RELN: variants seen among roughly 807,000 people sequenced by gnomAD.
RELN encodes the protein reelin.
RELN carries 108 observed loss-of-function variants against 427.6 expected under a neutral mutation model. The ratio of observed to expected loss-of-function variants is 0.25; its 90% CI spans 0.22 to 0.30. The LOEUF is 0.30. RELN is among the 10% of genes least tolerant of loss of function. The probability of loss-of-function intolerance (pLI) is 1.00; values close to 1 mark genes in which losing one functional copy is unlikely to be tolerated. For missense variants in RELN, 3,715 were observed against 4,302.8 expected, an observed-to-expected ratio of 0.86 and a Z score of 3.82; for synonymous variants, 1,524 against 1,513.4, an observed-to-expected ratio of 1.01 and a Z score of -0.16.
intron 27 of RELN, among the ~76,000 whole-genome samples, chr7:103,593,375 C>T (rs1831464473): frequency 6.6e-6 from 1 of 152,152 alleles, no homozygotes; most frequent in Admixed American, 6.6e-5. Flanking sequence ...CGTTTAGAAG[C>T]TTGAGATTCA....
At chr7:103,751,485 C>T (rs533976521) in intron 5 of RELN, among the ~76,000 whole-genome samples, 8 of 152,296 alleles carry the variant, frequency 5.3e-5, no homozygotes, top group Admixed American at 2.0e-4. Context: ...GATGCTCAGA[C>T]GCGAAGCCTC....
chr7:103,747,712 A>T (rs993787378), intron 6 of RELN, among the ~76,000 whole-genome samples: 5 of 151,350 alleles, frequency 3.3e-5, no homozygotes, highest in Middle Eastern at 3.4e-3. Flanking sequence ...TAAGGGATAA[A>T]GTAAAATTAC....
intron 1 of RELN, among the ~76,000 whole-genome samples, chr7:103,982,659 T>C (rs1223041977): frequency 6.7e-6 from 1 of 149,924 alleles, no homozygotes; most frequent in African/African-American, 2.4e-5. Context: ...GAAGATGAGA[T>C]ACAGTGGGAA....
At chr7:103,832,358 T>C (rs911251953) in intron 3 of RELN, among the ~76,000 whole-genome samples, 1 of 152,140 alleles carries the variant, frequency 6.6e-6, no homozygotes, top group African/African-American at 2.4e-5. Flanking sequence ...TAGTGAGGGC[T>C]GACTGTATGC....
In RELN at chr7:103,791,663, T is replaced by C. The variant is rs542897608; in HGVS notation, c.474-15036A>G. 2.6e-5 allele frequency among the ~76,000 whole-genome samples: 4 copies of C among 152,208 alleles called. No individual in the cohort carries two copies. The South Asian group carries it at 8.3e-4, about 32-fold the overall frequency. ...AAACATAGGGATAAATCTTCATGAC[T>C]TGATACTTGGCAGCAGTTTCTTAAA... is the stretch of plus-strand genomic sequence containing the variant. On this transcript the variant is annotated intron_variant, in intron 3 of 64. Transcript: ENST00000428762.
chr7:103,784,416 A>G (rs181996733), intron 3 of RELN, among the ~76,000 whole-genome samples: 8 of 152,292 alleles, frequency 5.3e-5, no homozygotes, highest in Admixed American at 3.9e-4. Flanking sequence ...GCTAACAGTG[A>G]CCTGGCGTAA....
At chr7:103,712,156 A>T (rs1789819097) in intron 8 of RELN, among the ~76,000 whole-genome samples, 1 of 152,224 alleles carries the variant, frequency 6.6e-6, no homozygotes. Context: ...CAAGCACACG[A>T]ACCTGCAGCA....
chr7:103,940,307 T>G (rs547884732), intron 1 of RELN, among the ~76,000 whole-genome samples: 1 of 152,198 alleles, frequency 6.6e-6, no homozygotes, highest in Non-Finnish European at 1.5e-5. Context: ...GATTCAGGAA[T>G]TAAATAAAAC....
intron 1 of RELN, among the ~76,000 whole-genome samples, chr7:103,966,433 G>A (rs1020717142): frequency 1.8e-4 from 28 of 152,114 alleles, no homozygotes; most frequent in South Asian, 4.1e-4. Flanking sequence ...AGGAAACCCC[G>A]GAAGACATGC....
In RELN at chr7:103,626,770, G is replaced by A. The variant is rs1288607023; in HGVS notation, c.2702+3170C>T. On this transcript the variant is annotated intron_variant, in intron 20 of 64. Coordinates refer to ENST00000428762, the MANE Select transcript of RELN (RefSeq NM_005045.4). This position sits in a 1 kb window ranked among gnomAD's most constrained non-coding sequence, Gnocchi z 4.4. ...TGTTCCCTTGGTATTATCACTAATA[G>A]TATTAGATGCAATATTTAATAAACT... Among the ~76,000 whole-genome samples the A allele has an allele frequency of 6.6e-6, 1 of 152,076 alleles. No homozygotes were observed. The highest frequency in any genetic ancestry group is 2.4e-5 in the African/African-American group (1 of 41,422).
chr7:103,495,455 T>TAA (rs1828811612), intron 57 of RELN, among the ~76,000 whole-genome samples: 1 of 151,844 alleles, frequency 6.6e-6, no homozygotes, highest in African/African-American at 2.4e-5. Flanking sequence ...TAGGCATGGT[T>TAA]CCACTGCACC....
chr7:103,809,449 G>A (rs571492672), intron 3 of RELN, among the ~76,000 whole-genome samples: 2 of 146,710 alleles, frequency 1.4e-5, no homozygotes, highest in South Asian at 2.4e-4. Flanking sequence ...GGCCTCGCGA[G>A]CAGCCAGCCA....
At chr7:103,853,728 CATAAT>C (rs1333522039) in intron 2 of RELN, among the ~76,000 whole-genome samples, 2 of 151,530 alleles carry the variant, frequency 1.3e-5, no homozygotes, top group East Asian at 1.9e-4. Flanking sequence ...TTATATGTCT[CATAAT>C]ATACAAAATA....
intron 19 of RELN, among the ~76,000 whole-genome samples, chr7:103,631,926 CAGTT>C (rs1832477113): frequency 6.6e-6 from 1 of 151,952 alleles, no homozygotes; most frequent in Admixed American, 6.5e-5. Context: ...ATTATAAAAA[CAGTT>C]AATATTCTCT....
At position 103,496,509 on chromosome 7, in the gene RELN, A is replaced by G. The variant is rs1365379779; in HGVS notation, c.9193+17T>C. ...TGGCTCACAGGAAAGAAAATTGTTCAATGTCTTGTTTCTTACCATCATCAA... is the reference window on the plus strand; with the variant it reads ...TGGCTCACAGGAAAGAAAATTGTTCGATGTCTTGTTTCTTACCATCATCAA... On this transcript the variant is annotated intron_variant, in intron 56 of 64. Coordinates refer to ENST00000428762, the MANE Select transcript of RELN (RefSeq NM_005045.4). 1.9e-6 allele frequency: 3 copies of G among 1,613,908 alleles called. No homozygotes were observed. In the Admixed American group the frequency reaches 5.0e-5, roughly 27 times the overall value.
chr7:103,825,468 C>G (rs1793114428), intron 3 of RELN, among the ~76,000 whole-genome samples: 1 of 152,074 alleles, frequency 6.6e-6, no homozygotes, highest in Non-Finnish European at 1.5e-5. Context: ...ATTAGGTAAC[C>G]AGCTGTTTAC....
chr7:103,556,491 C>T (rs1830524166), intron 38 of RELN, among the ~76,000 whole-genome samples: 1 of 151,948 alleles, frequency 6.6e-6, no homozygotes, highest in African/African-American at 2.4e-5. Flanking sequence ...TACGGTTTGG[C>T]TCTGTGTCCC....
chr7:103,530,815 A>G (rs1173478701), intron 46 of RELN, among the ~76,000 whole-genome samples: 1 of 152,090 alleles, frequency 6.6e-6, no homozygotes, highest in Non-Finnish European at 1.5e-5. Flanking sequence ...TTTCACTATC[A>G]TCTCCCATTT....
chr7:103,694,826 G>GTTT (rs556518793), intron 10 of RELN, among the ~76,000 whole-genome samples: 2 of 138,936 alleles, frequency 1.4e-5, no homozygotes, highest in Non-Finnish European at 3.1e-5. Context: ...TGCCTGGCTA[G>GTTT]TTTTTTTTTT....
Sources: gnomAD v4.1 joint callset for allele counts (sites outside exome capture counted in the v4.1 genomes callset) on GRCh38, gnomAD v4.1.1 for gene constraint, Gnocchi (gnomAD v3.1) non-coding constraint, MANE v1.5 for transcripts, NCBI Gene and HGNC (gene_info 2026-07-23, HGNC 2026-07-21) for gene names.